The following DLG1 variants were observed in gnomAD, a reference collection of about 807,000 sequenced individuals.
DLG1 encodes the protein discs large MAGUK scaffold protein 1.
In DLG1, 42 loss-of-function variants were observed where a neutral mutation model predicts 123.4. That is an observed-to-expected ratio of 0.34 (90% CI 0.27 to 0.44). The LOEUF (loss-of-function observed/expected upper bound fraction) is 0.44, where lower values mean the gene tolerates loss of function less well. Ranked by LOEUF, DLG1 falls within the 20% of genes least tolerant of loss-of-function variation. DLG1 has a pLI of 1.00. For synonymous variants in DLG1, 317 were observed against 356.2 expected (o/e 0.89, Z 1.24); for missense variants, 942 against 1,082.6 (o/e 0.87, Z 1.82).
At chr3:197,211,653 G>C (rs1328933258) in intron 4 of DLG1, among the ~76,000 whole-genome samples, 1 of 146,686 alleles carries the variant, frequency 6.8e-6, no homozygotes, top group Non-Finnish European at 1.5e-5. Context: ...ATACACTGTT[G>C]TTGGGAGTAC....
chr3:197,200,318 T>C (rs774816551), intron 4 of DLG1, among the ~76,000 whole-genome samples: 5 of 152,190 alleles, frequency 3.3e-5, no homozygotes, highest in Non-Finnish European at 5.9e-5. Context: ...ACTTATTATT[T>C]CAGTAGTAAA....
intron 4 of DLG1, among the ~76,000 whole-genome samples, chr3:197,241,258 A>G (rs1306835914): frequency 1.3e-5 from 2 of 152,080 alleles, no homozygotes; most frequent in Non-Finnish European, 2.9e-5. Context: ...TAATGTGCTC[A>G]AAGAAAAAAA....
At position 197,136,639 on chromosome 3, in the gene DLG1, T is replaced by C; in HGVS notation, c.923A>G (p.His308Arg). The change falls in exon 10 of 25, where the codon CAT becomes CGT. Residue 308 changes from histidine to arginine, a missense_variant. By Grantham distance (29) the His-to-Arg change is conservative (BLOSUM62 0). Coordinates refer to ENST00000667157, the MANE Select transcript of DLG1 (RefSeq NM_001366207.1). Reference protein sequence around the residue: ...FSIAGGVGNQHIPGDNSIYVT... With the variant: ...FSIAGGVGNQRIPGDNSIYVT... ...ATAGATGCTATTATCCCCAGGAATATGCTGATTTCCAACACCTCCAGCAAT... is the reference window on the plus strand; with the variant it reads ...ATAGATGCTATTATCCCCAGGAATACGCTGATTTCCAACACCTCCAGCAAT... 2 of 1,613,496 alleles carry C rather than the reference T, an allele frequency of 1.2e-6. No individual in the cohort carries two copies. The highest frequency in any genetic ancestry group is 1.7e-6 in the Non-Finnish European group (2 of 1,179,776).
chr3:197,080,267 CTTTTTTTTTT>C lies in DLG1; in HGVS notation c.1905+774_1905+783del, dbSNP rs767056279. 6.7e-3 allele frequency among the ~76,000 whole-genome samples: 349 copies of C among 51,914 alleles called. 2 individuals are homozygous for C. The highest frequency in any genetic ancestry group is 0.01 in the African/African-American group (121 of 11,980). The allele number at this position is 51,914 out of a possible 152,430, so 34.1% of individuals were successfully genotyped here. ...TATGATGAAAGAATTGATATATTTC[CTTTTTTTTTT>C]TTTTTTTTTTTTTTTTTTTGAGACA... On this transcript the variant is annotated intron_variant, in intron 17 of 24. Transcript: ENST00000667157.
intron 5 of DLG1, among the ~76,000 whole-genome samples, chr3:197,179,869 T>C (rs78482443): frequency 0.013 from 2,036 of 152,284 alleles, 39 homozygotes; most frequent in East Asian, 0.089. Context: ...ACACAGGCAC[T>C]TGAACAATGT....
intron 5 of DLG1, among the ~76,000 whole-genome samples, chr3:197,187,306 G>C (rs1411060716): frequency 3.3e-5 from 5 of 152,144 alleles, no homozygotes; most frequent in Non-Finnish European, 7.4e-5. Context: ...ACTAGAAACA[G>C]GAAAACTTCT....
At chr3:197,206,245 T>C (rs558615170) in intron 4 of DLG1, among the ~76,000 whole-genome samples, 1 of 152,326 alleles carries the variant, frequency 6.6e-6, no homozygotes, top group South Asian at 2.1e-4. Flanking sequence ...TAAGATGGCA[T>C]TTAAAAAAAT....
At chr3:197,142,870 C>T (rs1297574293) in intron 6 of DLG1, 102 bp from the exon 7 acceptor site, 65 of 795,852 alleles carry the variant, frequency 8.2e-5, no homozygotes, top group South Asian at 2.2e-4. Flanking sequence ...CTGTTGAATG[C>T]GACAGTAATC....
At chr3:197,163,650 T>G (rs1348388458) in intron 5 of DLG1, among the ~76,000 whole-genome samples, 1 of 150,374 alleles carries the variant, frequency 6.7e-6, no homozygotes, top group Middle Eastern at 3.2e-3. Flanking sequence ...GCCTCCCAAG[T>G]AGCTGGGATG....
intron 4 of DLG1, among the ~76,000 whole-genome samples, chr3:197,201,234 T>A (rs938396702): frequency 2.0e-5 from 3 of 151,964 alleles, no homozygotes; most frequent in Admixed American, 6.6e-5. Flanking sequence ...ATACAAAAAA[T>A]TTAGCTGGGC....
intron 4 of DLG1, among the ~76,000 whole-genome samples, chr3:197,199,046 C>T (rs1299618563): frequency 1.3e-5 from 2 of 152,050 alleles, no homozygotes; most frequent in African/African-American, 4.8e-5. Context: ...AAATTTTACA[C>T]TATATGAGTA....
intron 20 of DLG1, among the ~76,000 whole-genome samples, 183 bp downstream of exon 20, chr3:197,066,521 C>G (rs1739666252): frequency 6.6e-6 from 1 of 152,028 alleles, no homozygotes; most frequent in Non-Finnish European, 1.5e-5. Context: ...TATGAAATGA[C>G]TAGATTCTAA....
At chr3:197,280,959 T>C (rs1341500078) in intron 4 of DLG1, among the ~76,000 whole-genome samples, 2 of 151,858 alleles carry the variant, frequency 1.3e-5, no homozygotes, top group South Asian at 4.2e-4. Flanking sequence ...GGCCTTCTTG[T>C]TACATCTCAA....
rs184066197 is a variant in DLG1 at position 197,049,249 on chromosome 3, G to A, written c.2575+2328C>T. Among the ~76,000 whole-genome samples the A allele has an allele frequency of 4.5e-3, 684 of 152,160 alleles. 12 individuals are homozygous for A. The highest frequency in any genetic ancestry group is 0.034 in the Admixed American group (522 of 15,270). ...GGAGAATCAACAGAACCCAGGAGGCGATGGTTGCAGCAAGCTGAGATCACA... is the reference window on the plus strand; with the variant it reads ...GGAGAATCAACAGAACCCAGGAGGCAATGGTTGCAGCAAGCTGAGATCACA... On this transcript the variant is annotated intron_variant, in intron 24 of 24. Transcript: ENST00000667157.
chr3:197,193,284 T>C (rs1057291802), intron 5 of DLG1, among the ~76,000 whole-genome samples: 6 of 152,174 alleles, frequency 3.9e-5, no homozygotes, highest in African/African-American at 1.4e-4. Context: ...AAATATATCA[T>C]ACCTCCCTAG....
chr3:197,097,581 T>C (rs1367300556), intron 14 of DLG1, among the ~76,000 whole-genome samples: 4 of 70,676 alleles, frequency 5.7e-5, no homozygotes, highest in Non-Finnish European at 8.7e-5. Context: ...TTGTACTTTC[T>C]TTTTTTTTTT....
intron 5 of DLG1, among the ~76,000 whole-genome samples, chr3:197,192,405 T>G (rs1720098592): frequency 6.6e-6 from 1 of 151,542 alleles, no homozygotes; most frequent in Non-Finnish European, 1.5e-5. Context: ...ATTAGTGCAA[T>G]AAGCAAGTGA....
intron 4 of DLG1, among the ~76,000 whole-genome samples, chr3:197,219,532 T>C (rs1299250455): frequency 2.0e-5 from 3 of 152,170 alleles, no homozygotes; most frequent in Non-Finnish European, 4.4e-5. Flanking sequence ...CCTTTACTAA[T>C]AAGCCCTGGC....
chr3:197,131,654 C>T (rs1375283992), intron 10 of DLG1, among the ~76,000 whole-genome samples: 2 of 118,792 alleles, frequency 1.7e-5, no homozygotes, highest in South Asian at 5.4e-4. Flanking sequence ...AGTGCAGTGG[C>T]GGGATCTCAG....
Sources: gnomAD v4.1 joint callset for allele counts (sites outside exome capture counted in the v4.1 genomes callset) on GRCh38, gnomAD v4.1.1 for gene constraint, MANE v1.5 for transcripts, NCBI Gene and HGNC (gene_info 2026-07-23, HGNC 2026-07-21) for gene names.